ALAS1: variants seen among roughly 807,000 people sequenced by gnomAD.
The protein encoded by ALAS1 is 5-aminolevulinate synthase, non-specific, mitochondrial.
A neutral mutation model predicts 59.6 loss-of-function variants in ALAS1; 29 were observed. That is an observed-to-expected ratio of 0.49 (90% CI 0.36 to 0.66). The LOEUF (loss-of-function observed/expected upper bound fraction) is 0.66. Ranked by LOEUF, ALAS1 falls within the 30% of genes least tolerant of loss-of-function variation. The probability of loss-of-function intolerance (pLI) is 0.00; values close to 1 mark genes in which losing one functional copy is unlikely to be tolerated. For synonymous variants in ALAS1, 299 were observed against 296.6 expected (o/e 1.01, Z -0.08); for missense variants, 690 against 807.5 (o/e 0.85, Z 1.76).
intron 1 of ALAS1, 22 bp from the exon 2 acceptor site, chr3:52,198,650 A>G: frequency 1.4e-6 from 1 of 710,728 alleles, no homozygotes; most frequent in Admixed American, 2.4e-5. Context: ...CCCTACCCTC[A>G]TTTGTGCCCC....
At chr3:52,202,271 AC>A (rs779122782) in intron 3 of ALAS1, among the ~76,000 whole-genome samples, 15 of 152,058 alleles carry the variant, frequency 9.9e-5, no homozygotes, top group Non-Finnish European at 2.2e-4. Context: ...AATCACTTGA[AC>A]CCAGGAGGTG....
rs764477939 is a variant in ALAS1, at chr3:52,206,537, G to A, written c.986-35G>A. 3 of 1,595,852 alleles carry A rather than the reference G, an allele frequency of 1.9e-6. No homozygotes were observed. The African/African-American group carries it at 4.0e-5, about 21-fold the overall frequency. On this transcript the variant is annotated intron_variant, in intron 7 of 11. Coordinates refer to ENST00000484952, the MANE Select transcript of ALAS1 (RefSeq NM_000688.6). ...CTCTAGGAAATAATTTGTCTTCGAT[G>A]CACATGGCAATAAATAGCATTTTTG...
In ALAS1 at chr3:52,206,657, C is replaced by T; in HGVS notation, c.1071C>T (p.Arg357=). 6.2e-7 allele frequency: 1 copy of T among 1,614,184 alleles called. No individual in the cohort carries two copies. Among genetic ancestry groups the T allele is most frequent in the Admixed American group, 1.7e-5 (1 of 60,024 alleles). The change falls in exon 8 of 12, where the codon CGC becomes CGT. Residue 357 remains arginine, a synonymous_variant. Transcript: ENST00000484952. The part of the protein sequence containing the change: ...RNSRVPKYIF[R]HNDVSHLREL... ...GCCGAGTGCCAAAGTACATCTTCCG[C>T]CACAATGATGTCAGCCACCTCAGAG...
chr3:52,199,760 C>T (rs1489589048), intron 3 of ALAS1, among the ~76,000 whole-genome samples: 2 of 152,320 alleles, frequency 1.3e-5, no homozygotes, highest in East Asian at 3.9e-4. Flanking sequence ...TCTAATTTCC[C>T]TCATTAAACA....
chr3:52,206,617 A>G lies in ALAS1; in HGVS notation c.1031A>G (p.Gln344Arg). Residue 344 changes from glutamine (Q) to arginine (R), a missense_variant, in exon 8 of 12, where the codon CAA becomes CGA. By Grantham distance (43) the Gln-to-Arg change is conservative (BLOSUM62 1). Transcript: ENST00000484952. ...SDSGNHASMI[Q>R]GIRNSRVPKY... ...TCTGGGAACCATGCCTCCATGATCC[A>G]AGGGATTCGAAACAGCCGAGTGCCA... The G allele has an allele frequency of 6.2e-7, 1 of 1,614,200 alleles. No homozygotes were observed. Among genetic ancestry groups the G allele is most frequent in the Non-Finnish European group, 8.5e-7 (1 of 1,180,016 alleles).
intron 9 of ALAS1, 135 bp from the exon 10 acceptor site, chr3:52,211,148 T>C: frequency 1.1e-6 from 1 of 906,438 alleles, no homozygotes; most frequent in Admixed American, 2.7e-5. Flanking sequence ...GGTGCATGAC[T>C]ACTCCAATCA....
At chr3:52,203,512 G>T (rs1699231982) in intron 4 of ALAS1, among the ~76,000 whole-genome samples, 1 of 151,760 alleles carries the variant, frequency 6.6e-6, no homozygotes, top group African/African-American at 2.4e-5. Flanking sequence ...CTGCTCTCCA[G>T]CCTGGGTGAC....
At chr3:52,203,582 G>C (rs573171904) in intron 4 of ALAS1, among the ~76,000 whole-genome samples, 1 of 152,086 alleles carries the variant, frequency 6.6e-6, no homozygotes, top group East Asian at 1.9e-4. Flanking sequence ...ATTGGGGTGG[G>C]GATGTAGTGG....
rs1699133756 is a variant in ALAS1, at chr3:52,199,211, C to T, written c.-31C>T. 8.1e-6 allele frequency: 13 copies of T among 1,613,890 alleles called. No homozygotes were observed. Among genetic ancestry groups the T allele is most frequent in the African/African-American group, 1.3e-5 (1 of 74,924 alleles). ...ACTGTTGATGTCACTCTTCATCAGT[C>T]TTTCCACAGGAGCCAGCATACTTCC... On this transcript the variant is annotated splice_region_variant and 5_prime_UTR_variant, in exon 3 of 12. Transcript: ENST00000484952.
chr3:52,213,895 C>A, intron 11 of ALAS1, 125 bp from the exon 12 acceptor site: 1 of 863,968 alleles, frequency 1.2e-6, no homozygotes, highest in Admixed American at 2.9e-5. Context: ...TTGGTTGTTT[C>A]TCTTGTTAAC....
chr3:52,213,506 A>G (rs1054907263), intron 11 of ALAS1, among the ~76,000 whole-genome samples: 1 of 152,132 alleles, frequency 6.6e-6, no homozygotes, highest in Non-Finnish European at 1.5e-5. Context: ...ACTTACCATA[A>G]AATTCACCCT....
intron 9 of ALAS1, among the ~76,000 whole-genome samples, chr3:52,208,496 T>C (rs1245741847): frequency 3.9e-5 from 6 of 152,228 alleles, no homozygotes; most frequent in Non-Finnish European, 8.8e-5. Flanking sequence ...TCAGACATAG[T>C]TGTGGGTCTA....
chr3:52,213,549 C>T (rs1338146330), intron 11 of ALAS1, among the ~76,000 whole-genome samples: 1 of 152,152 alleles, frequency 6.6e-6, no homozygotes, highest in Non-Finnish European at 1.5e-5. Flanking sequence ...TTTTTAAGTA[C>T]ACTCCCAGTG....
intron 6 of ALAS1, among the ~76,000 whole-genome samples, chr3:52,205,433 T>C (rs1699274169): frequency 6.6e-6 from 1 of 152,178 alleles, no homozygotes; most frequent in South Asian, 2.1e-4. Flanking sequence ...GATAGTGATA[T>C]ATCCAAACAT....
intron 9 of ALAS1, among the ~76,000 whole-genome samples, chr3:52,210,304 A>G (rs1699379191): frequency 2.0e-5 from 3 of 152,170 alleles, no homozygotes; most frequent in Non-Finnish European, 4.4e-5. Context: ...AGAAAGGGAA[A>G]GGAGAATAAG....
chr3:52,199,237 T>C lies in ALAS1; in HGVS notation c.-5T>C. 1.2e-6 allele frequency: 2 copies of C among 1,614,234 alleles called. No homozygotes were observed. Among genetic ancestry groups the C allele is most frequent in the Non-Finnish European group, 1.7e-6 (2 of 1,180,032 alleles). ...TTTCCACAGGAGCCAGCATACTTCC[T>C]GAACATGGAGAGTGTTGTTCGCCGC... On this transcript the variant is annotated 5_prime_UTR_variant, in exon 3 of 12. It removes the in-frame stop codon of an upstream open reading frame in the 5' UTR. Coordinates refer to ENST00000484952, the MANE Select transcript of ALAS1 (RefSeq NM_000688.6).
At chr3:52,207,926 G>A (rs1252157507) in intron 8 of ALAS1, among the ~76,000 whole-genome samples, 157 bp from the exon 9 acceptor site, 1 of 152,100 alleles carries the variant, frequency 6.6e-6, no homozygotes, top group African/African-American at 2.4e-5. Context: ...CTAGGCTCTG[G>A]GACCCCAGGT....
At chr3:52,204,063 T>A (rs1699245739) in intron 5 of ALAS1, 51 bp downstream of exon 5, 2 of 1,546,872 alleles carry the variant, frequency 1.3e-6, no homozygotes, top group Admixed American at 1.9e-5. Flanking sequence ...ATAATTCAAA[T>A]GTACATTAGA....
chr3:52,209,721 T>A (rs144941742), intron 9 of ALAS1, among the ~76,000 whole-genome samples: 1 of 152,322 alleles, frequency 6.6e-6, no homozygotes, highest in Non-Finnish European at 1.5e-5. Context: ...TGAGACAGGC[T>A]CTCACTCTGT....
Sources: gnomAD v4.1 joint callset for allele counts (sites outside exome capture counted in the v4.1 genomes callset) on GRCh38, gnomAD v4.1.1 for gene constraint, MANE v1.5 for transcripts, NCBI Gene and HGNC (gene_info 2026-07-23, HGNC 2026-07-21) for gene names.